The following GNL2 variants were observed in gnomAD, a reference collection of about 807,000 sequenced individuals.
The protein encoded by GNL2 is nucleolar GTP-binding protein 2.
Under a neutral mutation model 92.3 loss-of-function variants are expected in GNL2, and 51 were observed. That is an observed-to-expected ratio of 0.55 (90% CI 0.44 to 0.70). GNL2 has a LOEUF of 0.70. GNL2 is among the 30% of genes least tolerant of loss of function. GNL2 has a pLI of 0.00. For missense variants in GNL2, 844 were observed against 895.6 expected (o/e 0.94, Z 0.74); for synonymous variants, 283 against 300.6 (o/e 0.94, Z 0.61).
At chr1:37,595,458 G>C (rs772768541) in intron 1 of GNL2, among the ~76,000 whole-genome samples, 2 of 152,176 alleles carry the variant, frequency 1.3e-5, no homozygotes, top group African/African-American at 2.4e-5. Context: ...GACTTTCTCT[G>C]CATCTCTCAA....
intron 4 of GNL2, 110 bp from the exon 5 acceptor site, chr1:37,587,605 A>T: frequency 1.6e-6 from 1 of 636,678 alleles, no homozygotes. Flanking sequence ...CCAAGGTTCA[A>T]CCCATACCCA....
At chr1:37,592,688 A>C in intron 3 of GNL2, 24 bp downstream of exon 3, 1 of 1,290,420 alleles carries the variant, frequency 7.7e-7, no homozygotes, top group Non-Finnish European at 1.1e-6. Flanking sequence ...TTTGTAGAGC[A>C]AAGTAACAGG....
In GNL2 at chr1:37,574,346, G is replaced by T; in HGVS notation, c.1413C>A (p.Pro471=). Residue 471 remains proline (P), a synonymous_variant, in exon 12 of 16, where the codon CCC becomes CCA. Transcript: ENST00000373062. ...KPPNAEPLVA[P]QLLPSSSLEV... is the part of the protein sequence containing the mutation. ...GGTGGGCCCACCCTGCTCTTACCTG[G>T]GGGGCCACAAGTGGCTCTGCATTGG... is the stretch of plus-strand genomic sequence containing the variant. The T allele has an allele frequency of 6.2e-7, 1 of 1,612,130 alleles. No individual in the cohort carries two copies.
At chr1:37,595,653 T>C in intron 1 of GNL2, 106 bp downstream of exon 1, 1 of 938,046 alleles carries the variant, frequency 1.1e-6, no homozygotes, top group Non-Finnish European at 1.7e-6. Context: ...TCGTAGTCAT[T>C]CTAAGCAATG....
intron 4 of GNL2, among the ~76,000 whole-genome samples, chr1:37,589,281 A>G (rs1643873446): frequency 6.6e-6 from 1 of 152,212 alleles, no homozygotes; most frequent in African/African-American, 2.4e-5. Flanking sequence ...TTCTGCAAGT[A>G]AACAGTTTTC....
intron 4 of GNL2, among the ~76,000 whole-genome samples, chr1:37,590,125 A>C (rs1424730063): frequency 6.6e-6 from 1 of 152,076 alleles, no homozygotes; most frequent in Non-Finnish European, 1.5e-5. Flanking sequence ...TGTTTTTTTT[A>C]GACGGAGTTT....
intron 8 of GNL2, among the ~76,000 whole-genome samples, chr1:37,579,680 G>A (rs1421700936): frequency 2.0e-5 from 3 of 151,762 alleles, no homozygotes; most frequent in African/African-American, 4.8e-5. Context: ...GGCGGATCAC[G>A]AGGTCAAGAG....
At position 37,587,449 on chromosome 1, in the gene GNL2, A is replaced by T; in HGVS notation, c.431T>A (p.Phe144Tyr). ...ILDTESFETT[F>Y]GPKSQRKRPN... Reference sequence around the variant, plus strand: ...TCGTTTCCTCTGTGACTTAGGGCCAAATGTAGTTTCAAAACTTTCAGTATC... The same window carrying T: ...TCGTTTCCTCTGTGACTTAGGGCCATATGTAGTTTCAAAACTTTCAGTATC... Residue 144 changes from phenylalanine (F) to tyrosine (Y), a missense_variant, in exon 5 of 16, where the codon TTT (phenylalanine) becomes TAT (tyrosine). Phe to Tyr is a conservative substitution (Grantham distance 22, BLOSUM62 3). Coordinates refer to ENST00000373062, the MANE Select transcript of GNL2 (RefSeq NM_013285.3). The T allele has an allele frequency of 6.2e-7, 1 of 1,613,252 alleles. No homozygotes were observed. The highest frequency in any genetic ancestry group is 8.5e-7 in the Non-Finnish European group (1 of 1,179,408).
intron 11 of GNL2, 41 bp downstream of exon 11, chr1:37,574,624 G>A (rs1274695361): frequency 6.3e-7 from 1 of 1,590,802 alleles, no homozygotes; most frequent in Admixed American, 1.7e-5. Flanking sequence ...ATACATGCTT[G>A]TGACAAGTAT....
chr1:37,568,791 A>C (rs1643547999), intron 13 of GNL2, 60 bp downstream of exon 13: 1 of 1,273,952 alleles, frequency 7.8e-7, no homozygotes, highest in African/African-American at 1.5e-5. Context: ...TCTGGTACTC[A>C]TGGCAAATTT....
intron 12 of GNL2, among the ~76,000 whole-genome samples, chr1:37,571,614 T>G (rs1174387995): frequency 6.6e-6 from 1 of 152,142 alleles, no homozygotes; most frequent in African/African-American, 2.4e-5. Flanking sequence ...AAACTCCTCG[T>G]GGAAATGATT....
chr1:37,580,598 T>C (rs1035682290), intron 8 of GNL2, among the ~76,000 whole-genome samples: 8 of 152,064 alleles, frequency 5.3e-5, no homozygotes, highest in Admixed American at 1.3e-4. Context: ...AAAACAGCCA[T>C]GGGAATTCTC....
chr1:37,578,139 A>G (rs535589381), intron 8 of GNL2, among the ~76,000 whole-genome samples: 6 of 152,206 alleles, frequency 3.9e-5, no homozygotes, highest in South Asian at 2.1e-4. Flanking sequence ...TGTCCTCCCA[A>G]CAAAAAATTT....
rs1472985699 is a variant in GNL2 at position 37,566,913 on chromosome 1, T to G, written c.2138A>C (p.Lys713Thr). 6 of 1,614,190 alleles carry G rather than the reference T, an allele frequency of 3.7e-6. No homozygotes were observed. Among genetic ancestry groups the G allele is most frequent in the East Asian group, 2.2e-5 (1 of 44,894 alleles). Residue 713 changes from lysine (K) to threonine (T), a missense_variant, in exon 16 of 16, where the codon AAG (lysine) becomes ACG (threonine). By Grantham distance (78) the Lys-to-Thr change is moderately conservative. Coordinates refer to ENST00000373062, the MANE Select transcript of GNL2 (RefSeq NM_013285.3). ...NVKNRNRNKK[K>T]TNDSEGQKHK... ...TTTCTGTCCCTCTGAGTCATTGGTC[T>G]TCTTTTTGTTCCTGTTCCTATTTTT...
intron 8 of GNL2, among the ~76,000 whole-genome samples, chr1:37,581,924 A>T (rs757382705): frequency 1.3e-5 from 2 of 151,420 alleles, no homozygotes. Context: ...CGGCCTCCCA[A>T]AGTGCTGGGA....
At chr1:37,576,346 G>C in intron 9 of GNL2, 82 bp downstream of exon 9, 3 of 1,250,698 alleles carry the variant, frequency 2.4e-6, no homozygotes, top group Admixed American at 1.9e-5. Context: ...AAGAGAAGCA[G>C]AGAGAAATCA....
At chr1:37,584,732 T>G (rs1325756712) in intron 5 of GNL2, among the ~76,000 whole-genome samples, 1 of 152,092 alleles carries the variant, frequency 6.6e-6, no homozygotes, top group Non-Finnish European at 1.5e-5. Flanking sequence ...GATGGATAGC[T>G]GCAATGATTG....
intron 3 of GNL2, among the ~76,000 whole-genome samples, chr1:37,591,628 C>T (rs4653304): frequency 0.4 from 60,524 of 151,234 alleles, 13,189 homozygotes; most frequent in East Asian, 0.58. Context: ...GCCCCAGCCT[C>T]CCAAGTAGCT....
intron 13 of GNL2, 62 bp from the exon 14 acceptor site, chr1:37,568,419 G>C: frequency 9.6e-7 from 1 of 1,041,538 alleles, no homozygotes; most frequent in Non-Finnish European, 1.5e-6. Flanking sequence ...TACTGACCTG[G>C]AGACCTGCGA....
Sources: gnomAD v4.1 joint callset for allele counts (sites outside exome capture counted in the v4.1 genomes callset) on GRCh38, gnomAD v4.1.1 for gene constraint, MANE v1.5 for transcripts, NCBI Gene and HGNC (gene_info 2026-07-23, HGNC 2026-07-21) for gene names.